The following FSHR variants were observed in gnomAD, a reference collection of about 807,000 sequenced individuals.
The protein encoded by FSHR is follicle-stimulating hormone receptor.
In FSHR, 46 loss-of-function variants were observed where a neutral mutation model predicts 52.1. That is an observed-to-expected ratio of 0.88 (90% CI 0.70 to 1.13). The LOEUF (loss-of-function observed/expected upper bound fraction) is 1.13. FSHR is among the 50% of genes most tolerant of loss of function. The pLI, the probability that FSHR is intolerant of heterozygous loss-of-function variation, is 0.00. For synonymous variants in FSHR, 399 were observed against 309.6 expected, an observed-to-expected ratio of 1.29 and a Z score of -3.03; for missense variants, 964 against 834.6, an observed-to-expected ratio of 1.16 and a Z score of -1.91.
intron 5 of FSHR, 31 bp downstream of exon 5, chr2:48,990,535 G>T (rs373439537): frequency 7.2e-7 from 1 of 1,389,820 alleles, no homozygotes; most frequent in Non-Finnish European, 1.0e-6. Flanking sequence ...ACTGAGTAAA[G>T]AGTTGGTAGT....
At chr2:48,998,878 T>C (rs965504857) in intron 4 of FSHR, among the ~76,000 whole-genome samples, 1 of 152,242 alleles carries the variant, frequency 6.6e-6, no homozygotes, top group East Asian at 1.9e-4. Flanking sequence ...TAAGAGAAGA[T>C]GCAAATATCG....
chr2:49,093,171 C>A (rs1165548350), intron 1 of FSHR, among the ~76,000 whole-genome samples: 2 of 152,108 alleles, frequency 1.3e-5, no homozygotes, highest in African/African-American at 4.8e-5. Flanking sequence ...CAGAGTAATG[C>A]CGGCTTTGTA....
At chr2:49,016,434 C>T (rs901111082) in intron 4 of FSHR, among the ~76,000 whole-genome samples, 3 of 152,104 alleles carry the variant, frequency 2.0e-5, no homozygotes, top group Non-Finnish European at 4.4e-5. Context: ...CCTTAAGATG[C>T]TTGCAGTCTT....
At chr2:49,038,894 A>T (rs1380235310) in intron 2 of FSHR, among the ~76,000 whole-genome samples, 1 of 152,162 alleles carries the variant, frequency 6.6e-6, no homozygotes, top group African/African-American at 2.4e-5. Flanking sequence ...TTCCAGAACA[A>T]TAGAGAAGGA....
intron 1 of FSHR, among the ~76,000 whole-genome samples, chr2:49,112,288 C>T (rs1671450813): frequency 6.6e-6 from 1 of 151,864 alleles, no homozygotes; most frequent in Admixed American, 6.6e-5. Context: ...CATTTTTTTC[C>T]CTAGTAGAAT....
At chr2:49,153,526 CT>C (rs1673135254) in intron 1 of FSHR, among the ~76,000 whole-genome samples, 1 of 152,174 alleles carries the variant, frequency 6.6e-6, no homozygotes, top group East Asian at 1.9e-4. Flanking sequence ...GGAAAATCCT[CT>C]TTACTCTTCA....
rs181186593 is a variant in FSHR, at chr2:49,075,000, C to T, written c.153-6710G>A. 3.2e-3 allele frequency among the ~76,000 whole-genome samples: 487 copies of T among 151,794 alleles called. 2 individuals are homozygous for T. The highest frequency in any genetic ancestry group is 7.0e-3 in the East Asian group (36 of 5,166). On this transcript the variant is annotated intron_variant, in intron 1 of 9. Transcript: ENST00000406846. ...AGCTAGAAAAAGTTGATCTCATAGACGTAAAAAGTATAACAGAGGATACTA... is the reference window on the plus strand; with the variant it reads ...AGCTAGAAAAAGTTGATCTCATAGATGTAAAAAGTATAACAGAGGATACTA...
At chr2:48,997,230 T>C (rs1676062988) in intron 4 of FSHR, 3 of 985,016 alleles carry the variant, frequency 3.0e-6, no homozygotes, top group African/African-American at 1.7e-5. Context: ...TAAGAAATTA[T>C]GTGAGACAGT....
At chr2:49,070,184 G>A (rs1669677231) in intron 1 of FSHR, among the ~76,000 whole-genome samples, 1 of 152,136 alleles carries the variant, frequency 6.6e-6, no homozygotes, top group African/African-American at 2.4e-5. Context: ...GCTTTACAAG[G>A]ATTAAGATGA....
chr2:49,100,895 T>G (rs946036865), intron 1 of FSHR, among the ~76,000 whole-genome samples: 1 of 151,992 alleles, frequency 6.6e-6, no homozygotes. Context: ...GGGAAGGAGA[T>G]TGAGAAAGAA....
intron 2 of FSHR, among the ~76,000 whole-genome samples, chr2:49,066,340 T>A (rs969581355): frequency 1.3e-5 from 2 of 152,008 alleles, no homozygotes; most frequent in Non-Finnish European, 2.9e-5. Flanking sequence ...TTCAGGAAAC[T>A]GATTAACAAC....
intron 2 of FSHR, among the ~76,000 whole-genome samples, chr2:49,060,578 T>C (rs1379662459): frequency 6.6e-6 from 1 of 152,136 alleles, no homozygotes; most frequent in Non-Finnish European, 1.5e-5. Flanking sequence ...TGAGCTGAAG[T>C]GGCACATTGC....
At position 48,976,263 on chromosome 2, in the gene FSHR, G is replaced by A. The variant is rs1674983500; in HGVS notation, c.668+6649C>T. 2.0e-5 allele frequency among the ~76,000 whole-genome samples: 3 copies of A among 152,116 alleles called. No homozygotes were observed. The South Asian group carries it at 6.2e-4, about 32-fold the overall frequency. On this transcript the variant is annotated intron_variant, in intron 8 of 9. Coordinates refer to ENST00000406846, the MANE Select transcript of FSHR (RefSeq NM_000145.4). ...GATAATCATATGGTTTTTGTCATTGGTTCTGTTTATGTGATGGATTATGTT... is the reference window on the plus strand; with the variant it reads ...GATAATCATATGGTTTTTGTCATTGATTCTGTTTATGTGATGGATTATGTT...
intron 8 of FSHR, among the ~76,000 whole-genome samples, chr2:48,974,860 C>T (rs1674915958): frequency 1.3e-5 from 2 of 152,158 alleles, no homozygotes; most frequent in Admixed American, 1.3e-4. Context: ...AACATACACA[C>T]ACACTCATAC....
At chr2:48,986,948 TA>T (rs776654337) in intron 6 of FSHR, among the ~76,000 whole-genome samples, 33 of 152,274 alleles carry the variant, frequency 2.2e-4, no homozygotes, top group African/African-American at 7.7e-4. Context: ...ATATTTTCTA[TA>T]AAAAAATTGA....
At position 49,024,354 on chromosome 2, in the gene FSHR, C is replaced by A. The variant is rs1667845930; in HGVS notation, c.225-4194G>T. Among the ~76,000 whole-genome samples the A allele has an allele frequency of 2.0e-5, 3 of 152,094 alleles. No homozygotes were observed. The South Asian group carries it at 6.2e-4, about 32-fold the overall frequency. On this transcript the variant is annotated intron_variant, in intron 2 of 9. Transcript: ENST00000406846. The stretch of plus-strand genomic sequence containing the variant: ...CTTTTGGAGGCTGAGATGGGTGGAT[C>A]ACCTGAGGTCAGGAGTTTGAGACCA...
At chr2:49,056,545 T>C (rs1360306186) in intron 2 of FSHR, among the ~76,000 whole-genome samples, 8 of 149,348 alleles carry the variant, frequency 5.4e-5, no homozygotes, top group African/African-American at 1.7e-4. Context: ...AAGGGAGAGA[T>C]AGACCGCAAT....
chr2:49,132,968 T>TAAAAAAAAAAAAAAAAAAAAAAAAAAA (rs34913428), intron 1 of FSHR, among the ~76,000 whole-genome samples: 5 of 48,652 alleles, frequency 1.0e-4, no homozygotes, highest in African/African-American at 4.3e-4. Flanking sequence ...TAAAACTCAG[T>TAAAAAAAAAAAAAAAAAAAAAAAAAAA]AAAAAAAAAA....
At chr2:48,975,295 C>T (rs1037472989) in intron 8 of FSHR, among the ~76,000 whole-genome samples, 1 of 151,922 alleles carries the variant, frequency 6.6e-6, no homozygotes, top group African/African-American at 2.4e-5. Flanking sequence ...AGTTTCCCTC[C>T]CCCACCCCCT....
Sources: allele counts gnomAD v4.1 joint callset (sites outside exome capture counted in the v4.1 genomes callset), GRCh38; gene constraint gnomAD v4.1.1; transcripts MANE v1.5; gene names NCBI Gene and HGNC (gene_info 2026-07-23, HGNC 2026-07-21).